The following FRYL variants were observed in gnomAD, a reference collection of about 807,000 sequenced individuals.
FRYL encodes the protein protein furry homolog-like.
Under a neutral mutation model 351.2 loss-of-function variants are expected in FRYL, and 150 were observed. That is an observed-to-expected ratio of 0.43 (90% CI 0.37 to 0.49). FRYL has a LOEUF of 0.49. Ranked by LOEUF, FRYL falls within the 20% of genes least tolerant of loss-of-function variation. The pLI is 0.00. For synonymous variants in FRYL, 1,153 were observed against 1,257.1 expected, an observed-to-expected ratio of 0.92 and a Z score of 1.75; for missense variants, 3,036 against 3,619.3, an observed-to-expected ratio of 0.84 and a Z score of 4.13.
rs1458624368 is a variant in FRYL at position 48,602,018 on chromosome 4, A to G, written c.1035+2T>C. 6.7e-7 allele frequency: 1 copy of G among 1,493,426 alleles called. No individual in the cohort carries two copies. The highest frequency in any genetic ancestry group is 9.3e-7 in the Non-Finnish European group (1 of 1,072,348). The allele number at this position is 1,493,426 out of a possible 1,614,324, so 92.5% of individuals were successfully genotyped here. On this transcript the variant is annotated splice_donor_variant, in intron 13 of 63. Transcript: ENST00000358350. LOFTEE classifies it high-confidence loss of function. ...CATATCAGAAGTGTGATTACATCTTACCTTTAAATGTGACAAACAGTTCTG... is the reference window on the plus strand; with the variant it reads ...CATATCAGAAGTGTGATTACATCTTGCCTTTAAATGTGACAAACAGTTCTG...
At chr4:48,649,489 T>C (rs1757208899) in intron 3 of FRYL, among the ~76,000 whole-genome samples, 1 of 152,194 alleles carries the variant, frequency 6.6e-6, no homozygotes, top group Admixed American at 6.6e-5. Context: ...TTACAAGAGG[T>C]ATTATATGGA....
chr4:48,619,253 T>C (rs747377191), intron 7 of FRYL, 21 bp downstream of exon 7: 82 of 1,467,768 alleles, frequency 5.6e-5, no homozygotes, highest in Non-Finnish European at 7.1e-5. Context: ...ATACAGACTT[T>C]GCAGAAATAA....
At chr4:48,512,742 G>T in intron 56 of FRYL, 54 bp from the exon 57 acceptor site, 1 of 1,327,342 alleles carries the variant, frequency 7.5e-7, no homozygotes, top group Non-Finnish European at 1.1e-6. Context: ...AAAAAGAATA[G>T]GCTCAATCAC....
chr4:48,610,841 T>C (rs1486975836), intron 7 of FRYL, among the ~76,000 whole-genome samples: 1 of 149,722 alleles, frequency 6.7e-6, no homozygotes, highest in African/African-American at 2.4e-5. Context: ...TGTATACATA[T>C]ATACACTCAA....
chr4:48,680,789 C>T (rs1578704368), intron 3 of FRYL: 1 of 240,500 alleles, frequency 4.2e-6, no homozygotes, highest in Middle Eastern at 2.0e-3. Flanking sequence ...AGTAGGCCAA[C>T]TATATACTTC....
In FRYL at chr4:48,666,588, C is replaced by A. The variant is rs551162912; in HGVS notation, c.-81+18085G>T. ...CTTCATAATCTTAATATTCCTTAAA[C>A]CCCCACTCTAAACCTAGAAAACCAG... On this transcript the variant is annotated intron_variant, in intron 3 of 63. Transcript: ENST00000358350. Among the ~76,000 whole-genome samples the A allele has an allele frequency of 4.6e-5, 7 of 152,158 alleles. No homozygotes were observed. In the East Asian group the frequency reaches 1.2e-3, roughly 25 times the overall value.
At chr4:48,666,164 C>T (rs944621080) in intron 3 of FRYL, among the ~76,000 whole-genome samples, 3 of 152,174 alleles carry the variant, frequency 2.0e-5, no homozygotes, top group Non-Finnish European at 4.4e-5. Flanking sequence ...GAGTTTGAGA[C>T]CAGCCTGGCC....
chr4:48,651,191 G>A (rs541024887), intron 3 of FRYL, among the ~76,000 whole-genome samples: 1 of 148,288 alleles, frequency 6.7e-6, no homozygotes, highest in East Asian at 2.0e-4. Context: ...TCAGCCTCCT[G>A]AGTAGCTGGG....
intron 55 of FRYL, among the ~76,000 whole-genome samples, chr4:48,519,931 A>C (rs1438967106): frequency 6.6e-6 from 1 of 152,140 alleles, no homozygotes; most frequent in Non-Finnish European, 1.5e-5. Flanking sequence ...ACGGAGTTTC[A>C]CCATGTTGGC....
At chr4:48,773,484 G>A (rs1485016555) in intron 1 of FRYL, among the ~76,000 whole-genome samples, 2 of 151,994 alleles carry the variant, frequency 1.3e-5, no homozygotes, top group Non-Finnish European at 2.9e-5. Flanking sequence ...TGCAGAACTC[G>A]AAACCTAAAT....
In FRYL at chr4:48,567,159, T is replaced by C; in HGVS notation, c.3169+89A>G. Reference sequence around the variant, plus strand: ...TTTCCAGTATGTTCATACGTTACTTTATCAACTTAGATTATTAAACCTCAA... The same window carrying C: ...TTTCCAGTATGTTCATACGTTACTTCATCAACTTAGATTATTAAACCTCAA... On this transcript the variant is annotated intron_variant, in intron 28 of 63. Transcript: ENST00000358350. The surrounding 1 kb of genome is among the most constrained non-coding windows in gnomAD (Gnocchi z 4.2). 9.3e-7 allele frequency: 1 copy of C among 1,075,446 alleles called. No homozygotes were observed. The allele number at this position is 1,075,446 out of a possible 1,614,324, so 66.6% of individuals were successfully genotyped here.
intron 3 of FRYL, chr4:48,653,867 T>G (rs1409353141): frequency 7.8e-7 from 1 of 1,284,628 alleles, no homozygotes; most frequent in Non-Finnish European, 1.0e-6. Context: ...GTTTTGCCGT[T>G]CTGTCTCTCC....
At chr4:48,593,858 T>A in intron 16 of FRYL, 72 bp downstream of exon 16, 1 of 644,792 alleles carries the variant, frequency 1.6e-6, no homozygotes. Context: ...AACCTAAGAG[T>A]TCTGATTCCA....
In FRYL at chr4:48,564,094, C is replaced by G. The variant is rs759336123; in HGVS notation, c.3450G>C (p.Gln1150His). 1.2e-6 allele frequency: 2 copies of G among 1,613,338 alleles called. No individual in the cohort carries two copies. The highest frequency in any genetic ancestry group is 1.7e-6 in the Non-Finnish European group (2 of 1,179,856). The change falls in exon 31 of 64, where the codon CAG (glutamine) becomes CAC (histidine). Residue 1150 changes from glutamine to histidine, a missense_variant. By Grantham distance (24) the Gln-to-His change is conservative. This residue lies in a region of FRYL where 1,987 missense variants were observed against 2,311.7 expected (regional missense o/e 0.86). Coordinates refer to ENST00000358350, the MANE Select transcript of FRYL (RefSeq NM_015030.2). ...ILDSLDKKVH[Q>H]LGCEAVTLLL... ...ACAACGTAACTGCTTCACAGCCCAG[C>G]TGGTGAACCTAGGTAAAGGTTGTGA...
At chr4:48,648,725 T>A (rs1274550151) in intron 3 of FRYL, among the ~76,000 whole-genome samples, 1 of 152,178 alleles carries the variant, frequency 6.6e-6, no homozygotes, top group Non-Finnish European at 1.5e-5. Flanking sequence ...ATGACATAAA[T>A]GAACCTTGGA....
intron 7 of FRYL, among the ~76,000 whole-genome samples, 169 bp from the exon 8 acceptor site, chr4:48,609,992 T>C (rs1578334559): frequency 6.6e-6 from 1 of 152,196 alleles, no homozygotes; most frequent in Non-Finnish European, 1.5e-5. Flanking sequence ...AGAATTTGGT[T>C]ACTCATCAAA....
chr4:48,710,353 C>A (rs1206982816), intron 2 of FRYL, among the ~76,000 whole-genome samples, 166 bp downstream of exon 2: 2 of 152,186 alleles, frequency 1.3e-5, no homozygotes, highest in African/African-American at 4.8e-5. Context: ...CATGCATGTT[C>A]TGTGCACAGA....
chr4:48,602,921 A>T (rs1745996188), intron 12 of FRYL, among the ~76,000 whole-genome samples: 1 of 152,178 alleles, frequency 6.6e-6, no homozygotes, highest in Admixed American at 6.5e-5. Flanking sequence ...GGGAGCAATA[A>T]GCTATACCAT....
chr4:48,653,879 A>C (rs2149441304), intron 3 of FRYL: 1 of 1,278,752 alleles, frequency 7.8e-7, no homozygotes, highest in Middle Eastern at 3.0e-4. Flanking sequence ...TGTCTCTCCA[A>C]GCCGCTGTCC....
Sources: allele counts gnomAD v4.1 joint callset (sites outside exome capture counted in the v4.1 genomes callset), GRCh38; gene constraint gnomAD v4.1.1; regional missense constraint gnomAD v4.1.1; non-coding constraint Gnocchi (gnomAD v3.1); transcripts MANE v1.5; gene names NCBI Gene and HGNC (gene_info 2026-07-23, HGNC 2026-07-21).